The following TSPAN5 variants were observed in gnomAD, a reference collection of about 807,000 sequenced individuals.
TSPAN5 encodes the protein tetraspanin 5, also known as tetraspanin-5.
Under a neutral mutation model 37.1 loss-of-function variants are expected in TSPAN5, and 10 were observed. That is an observed-to-expected ratio of 0.27 (90% CI 0.17 to 0.46). The LOEUF is 0.46. Ranked by LOEUF, TSPAN5 falls within the 20% of genes least tolerant of loss-of-function variation. The probability of loss-of-function intolerance (pLI) is 1.00; values close to 1 mark genes in which losing one functional copy is unlikely to be tolerated. For synonymous variants in TSPAN5, 110 were observed against 118.9 expected (o/e 0.93, Z 0.48); for missense variants, 195 against 326.6 (o/e 0.60, Z 3.11).
At chr4:98,582,487 A>T (rs189727588) in intron 1 of TSPAN5, among the ~76,000 whole-genome samples, 3 of 152,330 alleles carry the variant, frequency 2.0e-5, no homozygotes, top group Admixed American at 2.0e-4. Context: ...ACGCAAAGAG[A>T]TTTGCTTTCC....
chr4:98,556,009 G>A (rs1054342190), intron 1 of TSPAN5, among the ~76,000 whole-genome samples: 3 of 132,724 alleles, frequency 2.3e-5, no homozygotes, highest in African/African-American at 8.8e-5. Context: ...ACACACACGT[G>A]CACAGCACAC....
At chr4:98,544,970 T>G (rs1263066067) in intron 1 of TSPAN5, among the ~76,000 whole-genome samples, 1 of 152,214 alleles carries the variant, frequency 6.6e-6, no homozygotes, top group African/African-American at 2.4e-5. Flanking sequence ...CCCTCCTCCA[T>G]TCTGACCTTG....
intron 1 of TSPAN5, among the ~76,000 whole-genome samples, chr4:98,624,236 C>T (rs935064982): frequency 6.6e-6 from 1 of 151,696 alleles, no homozygotes; most frequent in African/African-American, 2.4e-5. Context: ...CAAATCTTAC[C>T]TTTAGAAACA....
chr4:98,604,373 CT>C (rs1319912784), intron 1 of TSPAN5, among the ~76,000 whole-genome samples: 2 of 152,326 alleles, frequency 1.3e-5, no homozygotes, highest in East Asian at 3.9e-4. Flanking sequence ...TAAGCAGATT[CT>C]TACACTGAAA....
intron 1 of TSPAN5, among the ~76,000 whole-genome samples, chr4:98,640,240 T>C (rs1487231786): frequency 6.6e-6 from 1 of 152,200 alleles, no homozygotes; most frequent in African/African-American, 2.4e-5. Flanking sequence ...ATGCCTATTT[T>C]TACACATTAC....
intron 5 of TSPAN5, 39 bp from the exon 6 acceptor site, chr4:98,476,499 T>A: frequency 6.2e-7 from 1 of 1,607,652 alleles, no homozygotes; most frequent in Non-Finnish European, 8.5e-7. Context: ...AATTTACTCA[T>A]TAGACAGAAA....
chr4:98,561,106 A>C (rs1454938383), intron 1 of TSPAN5, among the ~76,000 whole-genome samples: 1 of 152,228 alleles, frequency 6.6e-6, no homozygotes, highest in Non-Finnish European at 1.5e-5. Context: ...TTACCAATGG[A>C]CTGTGAGAGA....
At chr4:98,597,991 T>G (rs1469443597) in intron 1 of TSPAN5, among the ~76,000 whole-genome samples, 1 of 102,242 alleles carries the variant, frequency 9.8e-6, no homozygotes, top group Non-Finnish European at 1.8e-5. Context: ...GGCTGCTTTG[T>G]TTACCTAAGC....
At chr4:98,536,872 C>T (rs371053633) in intron 1 of TSPAN5, among the ~76,000 whole-genome samples, 28 of 152,320 alleles carry the variant, frequency 1.8e-4, no homozygotes, top group African/African-American at 6.7e-4. Context: ...CCAGGTGGAG[C>T]TCAGACTGCT....
At chr4:98,476,144 A>G in intron 7 of TSPAN5, 45 bp downstream of exon 7, 36 of 1,466,104 alleles carry the variant, frequency 2.5e-5, no homozygotes, top group Non-Finnish European at 3.3e-5. Flanking sequence ...GGGCTCTCCC[A>G]GGGCATTATT....
chr4:98,522,299 G>T (rs957799835), intron 1 of TSPAN5, among the ~76,000 whole-genome samples: 10 of 152,184 alleles, frequency 6.6e-5, no homozygotes, highest in Non-Finnish European at 1.2e-4. Flanking sequence ...AGTCATCCAA[G>T]AAGTCATCTC....
At chr4:98,625,791 T>C (rs1282745864) in intron 1 of TSPAN5, among the ~76,000 whole-genome samples, 3 of 152,242 alleles carry the variant, frequency 2.0e-5, no homozygotes, top group East Asian at 1.9e-4. Flanking sequence ...AGCAAGAAAA[T>C]AGTATGTCAG....
chr4:98,651,031 A>G (rs1181997034), intron 1 of TSPAN5, among the ~76,000 whole-genome samples: 5 of 152,246 alleles, frequency 3.3e-5, no homozygotes, highest in Admixed American at 6.5e-5. Context: ...CATGGTTTCA[A>G]TGTAATTTGC....
At chr4:98,616,874 T>C (rs1002245959) in intron 1 of TSPAN5, among the ~76,000 whole-genome samples, 4 of 151,722 alleles carry the variant, frequency 2.6e-5, no homozygotes, top group Non-Finnish European at 5.9e-5. Context: ...GTAAATTTTT[T>C]TTTTTTTGGA....
intron 2 of TSPAN5, among the ~76,000 whole-genome samples, chr4:98,491,931 C>A (rs938282425): frequency 6.6e-6 from 1 of 152,212 alleles, no homozygotes; most frequent in South Asian, 2.1e-4. Flanking sequence ...TCTAAGATTA[C>A]AGTTAAGTCT....
intron 1 of TSPAN5, among the ~76,000 whole-genome samples, chr4:98,552,060 C>G (rs1006736899): frequency 1.3e-5 from 2 of 151,878 alleles, no homozygotes; most frequent in African/African-American, 4.8e-5. Flanking sequence ...TCTCCTTTTT[C>G]ATTTCTGATT....
At chr4:98,635,622 C>T (rs931257081) in intron 1 of TSPAN5, among the ~76,000 whole-genome samples, 1 of 152,086 alleles carries the variant, frequency 6.6e-6, no homozygotes, top group Non-Finnish European at 1.5e-5. Flanking sequence ...CAAAGACCAT[C>T]AGGTGGAAAA....
chr4:98,531,376 A>C (rs745908960), intron 1 of TSPAN5, among the ~76,000 whole-genome samples: 7 of 152,166 alleles, frequency 4.6e-5, no homozygotes, highest in African/African-American at 1.7e-4. Flanking sequence ...AGCTTCATCC[A>C]TGTCCCTGCA....
At chr4:98,636,188 C>T (rs1756854239) in intron 1 of TSPAN5, among the ~76,000 whole-genome samples, 1 of 152,148 alleles carries the variant, frequency 6.6e-6, no homozygotes, top group African/African-American at 2.4e-5. Context: ...CATAATGTGG[C>T]AGTTCTCCAA....
Sources: allele counts gnomAD v4.1 joint callset (sites outside exome capture counted in the v4.1 genomes callset), GRCh38; gene constraint gnomAD v4.1.1; transcripts MANE v1.5; gene names NCBI Gene and HGNC (gene_info 2026-07-23, HGNC 2026-07-21).